TET2: variants seen among roughly 807,000 people sequenced by gnomAD.
TET2 encodes the protein tet methylcytosine dioxygenase 2.
Under a neutral mutation model 142.9 loss-of-function variants are expected in TET2, and 299 were observed. The observed-to-expected ratio is 2.09, with a 90% CI of 1.90 to 2.30. The LOEUF (loss-of-function observed/expected upper bound fraction) is 2.30. Ranked by LOEUF, TET2 falls within the 30% of genes most tolerant of loss-of-function variation. The pLI is 0.00. For missense variants in TET2, 2,418 were observed against 2,378.0 expected (o/e 1.02, Z -0.35); for synonymous variants, 819 against 849.0 (o/e 0.96, Z 0.61).
At chr4:105,166,375 C>G (rs1724148248) in intron 1 of TET2, among the ~76,000 whole-genome samples, 2 of 151,944 alleles carry the variant, frequency 1.3e-5, no homozygotes, top group Admixed American at 1.3e-4. Flanking sequence ...ATTTTAATTG[C>G]ATTTTTTTAT....
intron 4 of TET2, chr4:105,242,493 GA>G (rs1729360024): frequency 1.8e-6 from 2 of 1,106,792 alleles, no homozygotes; most frequent in Non-Finnish European, 2.2e-6. Context: ...TTTAGTAAGG[GA>G]AAAAATAGTT....
chr4:105,235,163 T>TAAG lies in TET2; in HGVS notation c.1221_1222insAAG (p.Ser407_Pro408insLys). On this transcript the variant is annotated inframe_insertion, in exon 3 of 11. Transcript: ENST00000380013. ...CACCACCATCACAATTGCTTCTTTC[T>TAAG]CCCCCTCCTCCTCTTCCACAGGTTC... is the stretch of plus-strand genomic sequence containing the variant. The TAAG allele has an allele frequency of 6.2e-7, 1 of 1,613,542 alleles. No homozygotes were observed. The highest frequency in any genetic ancestry group is 1.7e-5 in the Admixed American group (1 of 59,946).
At chr4:105,149,313 G>T (rs913360822) in intron 1 of TET2, among the ~76,000 whole-genome samples, 1 of 152,064 alleles carries the variant, frequency 6.6e-6, no homozygotes, top group South Asian at 2.1e-4. Flanking sequence ...AACTATGAAG[G>T]CTTGTTTTTT....
At chr4:105,169,243 T>C (rs1724322273) in intron 1 of TET2, among the ~76,000 whole-genome samples, 1 of 152,176 alleles carries the variant, frequency 6.6e-6, no homozygotes, top group South Asian at 2.1e-4. Flanking sequence ...CATGCCAACG[T>C]CTACTATTTT....
intron 2 of TET2, among the ~76,000 whole-genome samples, chr4:105,196,461 C>T (rs750358866): frequency 2.0e-5 from 3 of 152,194 alleles, no homozygotes; most frequent in Non-Finnish European, 4.4e-5. Flanking sequence ...ATCTGAAGAA[C>T]TCAGTACAGA....
In TET2 at chr4:105,275,867, AGAAT is replaced by A; in HGVS notation, c.5360_5363del (p.Asn1787ThrfsTer32). 1 of 1,552,002 alleles carries A rather than the reference AGAAT, an allele frequency of 6.4e-7. No homozygotes were observed. The highest frequency in any genetic ancestry group is 8.7e-7 in the Non-Finnish European group (1 of 1,147,028). On this transcript the variant is annotated frameshift_variant, in exon 11 of 11. Coordinates refer to ENST00000380013, the MANE Select transcript of TET2 (RefSeq NM_001127208.3). LOFTEE classifies it low-confidence loss of function (END_TRUNC). ...CATGCCCTGCATCTCCAAAACAAGG[AGAAT>A]GACATGCTTTCCCACACAGCTAATG...
Position 105,154,659 on chromosome 4 carries a change from A to G in TET2, c.-193+7680A>G, listed in dbSNP as rs537073770. Among the ~76,000 whole-genome samples, 94 of 152,332 alleles carry G rather than the reference A, an allele frequency of 6.2e-4. 1 individual carries two copies. In the South Asian group the frequency reaches 0.019, roughly 30 times the overall value. ...TGACTTGGTAAAGAGGGCTTAATGTATAGGTGCAAGAAACTTTCTCAGATG... is the reference window on the plus strand; with the variant it reads ...TGACTTGGTAAAGAGGGCTTAATGTGTAGGTGCAAGAAACTTTCTCAGATG... On this transcript the variant is annotated intron_variant, in intron 1 of 10. Coordinates refer to ENST00000380013, the MANE Select transcript of TET2 (RefSeq NM_001127208.3).
intron 1 of TET2, among the ~76,000 whole-genome samples, chr4:105,185,995 C>T (rs993790616): frequency 6.6e-6 from 1 of 151,944 alleles, no homozygotes; most frequent in Admixed American, 6.6e-5. Context: ...GGAAGGTTGA[C>T]GCAGGTGGAT....
Position 105,259,677 on chromosome 4 carries a change from G to A in TET2, c.3862G>A (p.Gly1288Ser). 1 of 1,551,116 alleles carries A rather than the reference G, an allele frequency of 6.4e-7. No individual in the cohort carries two copies. The highest frequency in any genetic ancestry group is 8.7e-7 in the Non-Finnish European group (1 of 1,146,578). The stretch of plus-strand genomic sequence containing the variant: ...AACCTGTGGTGCCTCCTTCTCTTTT[G>A]GTTGTTCATGGAGCATGTACTACAA... ...PETCGASFSF[G>S]CSWSMYYNGC... The change falls in exon 7 of 11, where the codon GGT becomes AGT. Residue 1288 changes from glycine (G) to serine (S), a missense_variant. By Grantham distance (56) the Gly-to-Ser change is moderately conservative. Transcript: ENST00000380013.
chr4:105,191,787 G>T (rs1407939389), intron 2 of TET2, among the ~76,000 whole-genome samples: 2 of 152,144 alleles, frequency 1.3e-5, no homozygotes, highest in East Asian at 3.9e-4. Context: ...CATCTGTCTA[G>T]ATTACCTCTC....
At chr4:105,162,241 C>T (rs541029103) in intron 1 of TET2, among the ~76,000 whole-genome samples, 2 of 152,278 alleles carry the variant, frequency 1.3e-5, no homozygotes, top group South Asian at 2.1e-4. Flanking sequence ...ACCCTAATGC[C>T]TTCCCACATG....
intron 1 of TET2, among the ~76,000 whole-genome samples, chr4:105,179,611 T>C (rs1229321856): frequency 6.6e-6 from 1 of 152,234 alleles, no homozygotes. Context: ...ATTTGGGAAA[T>C]GAGTGCTTAT....
rs777279382 is a variant in TET2, at chr4:105,236,334, G to A, written c.2392G>A (p.Glu798Lys). The change falls in exon 3 of 11, where the codon GAG becomes AAG. Residue 798 changes from glutamate to lysine, a missense_variant. Glu to Lys is a moderately conservative substitution (Grantham distance 56). Transcript: ENST00000380013. Reference sequence around the variant, plus strand: ...TCAGTATTCAAAATCAAGCGAGTTCGAGACTCATAATGTCCAAATGGGACT... The same window carrying A: ...TCAGTATTCAAAATCAAGCGAGTTCAAGACTCATAATGTCCAAATGGGACT... ...ENQYSKSSEF[E>K]THNVQMGLEE... 9.9e-6 allele frequency: 16 copies of A among 1,613,970 alleles called. No individual in the cohort carries two copies. The highest frequency in any genetic ancestry group is 2.2e-5 in the South Asian group (2 of 91,076).
chr4:105,200,811 C>CA (rs1726417637), intron 2 of TET2, among the ~76,000 whole-genome samples: 1 of 152,058 alleles, frequency 6.6e-6, no homozygotes, highest in African/African-American at 2.4e-5. Context: ...CAGGCACACA[C>CA]CACCATGCCC....
intron 1 of TET2, among the ~76,000 whole-genome samples, chr4:105,160,342 AG>A (rs1443162493): frequency 2.6e-5 from 4 of 152,222 alleles, no homozygotes; most frequent in Non-Finnish European, 4.4e-5. Flanking sequence ...ATAAAAAAAA[AG>A]GCATCAAAAA....
chr4:105,276,835 T>TGGGGGGGGGGGGGGGGG lies in TET2; in HGVS notation c.*317_*318insGGGGGGGGGGGGGGGGG. Reference sequence around the variant, plus strand: ...TATTGGACGAGATGATATGTAAATGTGATCCCCCCCCCCCGCTTACAACTC... The same window carrying TGGGGGGGGGGGGGGGGG: ...TATTGGACGAGATGATATGTAAATGTGGGGGGGGGGGGGGGGGGATCCCCCCCCCCCGCTTACAACTC... On this transcript the variant is annotated 3_prime_UTR_variant, in exon 11 of 11. Transcript: ENST00000380013. The TGGGGGGGGGGGGGGGGG allele has an allele frequency of 1.3e-5, 3 of 228,246 alleles. No homozygotes were observed. The highest frequency in any genetic ancestry group is 1.6e-5 in the Non-Finnish European group (2 of 125,250). 14.1% of individuals were successfully genotyped at this position (228,246 alleles called of 1,614,324 possible). A position where few individuals can be genotyped will look rare whatever the true frequency, so the allele number is the denominator to read the frequency against.
At chr4:105,218,840 G>A (rs1267309688) in intron 2 of TET2, among the ~76,000 whole-genome samples, 1 of 151,690 alleles carries the variant, frequency 6.6e-6, no homozygotes, top group Non-Finnish European at 1.5e-5. Flanking sequence ...CTTTTGTAAT[G>A]AAAAAATATA....
At chr4:105,253,660 G>C (rs1426333641) in intron 6 of TET2, among the ~76,000 whole-genome samples, 1 of 151,438 alleles carries the variant, frequency 6.6e-6, no homozygotes, top group Non-Finnish European at 1.5e-5. Flanking sequence ...GTATTAGCTA[G>C]CATTTCCAGT....
intron 1 of TET2, among the ~76,000 whole-genome samples, chr4:105,181,112 T>C (rs1033516708): frequency 2.6e-5 from 4 of 152,250 alleles, no homozygotes; most frequent in Non-Finnish European, 1.5e-5. Flanking sequence ...TTTATATTTC[T>C]ATCTAGAATA....
Sources: gnomAD v4.1 joint callset for allele counts (sites outside exome capture counted in the v4.1 genomes callset) on GRCh38, gnomAD v4.1.1 for gene constraint, MANE v1.5 for transcripts, NCBI Gene and HGNC (gene_info 2026-07-23, HGNC 2026-07-21) for gene names.